The following ATP10B variants were observed in gnomAD, a reference collection of about 807,000 sequenced individuals.
The protein encoded by ATP10B is ATPase phospholipid transporting 10B (putative).
Under a neutral mutation model 141.2 loss-of-function variants are expected in ATP10B, and 122 were observed. That is an observed-to-expected ratio of 0.86 (90% confidence interval 0.75 to 1.00). The LOEUF (loss-of-function observed/expected upper bound fraction) is 1.00, where lower values mean the gene tolerates loss of function less well. Among genes scored for constraint, ATP10B ranks in the 50% least tolerant of loss-of-function variants. The pLI is 0.00. For missense variants in ATP10B, 1,876 were observed against 1,825.3 expected (o/e 1.03, Z -0.51); for synonymous variants, 685 against 692.0 (o/e 0.99, Z 0.16).
chr5:160,742,770 T>C (rs1409953066), intron 2 of ATP10B, among the ~76,000 whole-genome samples: 1 of 152,070 alleles, frequency 6.6e-6, no homozygotes, highest in Non-Finnish European at 1.5e-5. Flanking sequence ...GATTTGGGGA[T>C]TTTTTGGGAC....
chr5:160,900,039 T>A, the ATP10B span, among the ~76,000 whole-genome samples: 1 of 152,192 alleles, frequency 6.6e-6, no homozygotes, highest in Non-Finnish European at 1.5e-5. Context: ...GGTTGTTGTG[T>A]TATTTTTCCC....
At chr5:160,869,035 C>T in the ATP10B span, among the ~76,000 whole-genome samples, 1 of 152,094 alleles carries the variant, frequency 6.6e-6, no homozygotes, top group Non-Finnish European at 1.5e-5. Flanking sequence ...GGCTATTTGA[C>T]CTTTGAAAGC....
intron 2 of ATP10B, among the ~76,000 whole-genome samples, chr5:160,724,949 C>T (rs1766232516): frequency 6.6e-6 from 1 of 152,184 alleles, no homozygotes; most frequent in South Asian, 2.1e-4. Context: ...TTGCTTTCCA[C>T]TACTAGCATG....
chr5:160,861,414 GA>G, the ATP10B span, among the ~76,000 whole-genome samples: 1,530 of 151,884 alleles, frequency 0.01, 33 homozygotes, highest in African/African-American at 0.035. Context: ...AAATTCTGAA[GA>G]AAGTTTTAAA....
chr5:160,632,444 G>C (rs547099325), intron 12 of ATP10B, 77 bp from the exon 13 acceptor site: 6 of 1,391,912 alleles, frequency 4.3e-6, no homozygotes, highest in South Asian at 3.7e-5. Context: ...GACTTTGTGT[G>C]GGGGGTGGTA....
At chr5:160,803,333 T>C (rs1194937748) in intron 1 of ATP10B, among the ~76,000 whole-genome samples, 1 of 152,166 alleles carries the variant, frequency 6.6e-6, no homozygotes, top group Non-Finnish European at 1.5e-5. Flanking sequence ...CATTATTTGA[T>C]TTAAGCTTCA....
At chr5:160,597,684 C>T (rs1202539741) in intron 22 of ATP10B, among the ~76,000 whole-genome samples, 1 of 151,742 alleles carries the variant, frequency 6.6e-6, no homozygotes, top group East Asian at 1.9e-4. Context: ...ACAATGAACT[C>T]AAACAAATTT....
intron 2 of ATP10B, among the ~76,000 whole-genome samples, chr5:160,744,601 G>A (rs905919291): frequency 2.0e-4 from 30 of 152,112 alleles, no homozygotes; most frequent in African/African-American, 7.0e-4. Flanking sequence ...ACTAACAACT[G>A]GACAGGTTTT....
chr5:160,691,927 T>C (rs956371050), intron 3 of ATP10B: 8 of 152,178 alleles, frequency 5.3e-5, no homozygotes, highest in African/African-American at 1.7e-4. Context: ...TTTGCTATTA[T>C]AAAAAATGCA....
intron 6 of ATP10B, among the ~76,000 whole-genome samples, chr5:160,680,171 C>G (rs564403502): frequency 1.3e-5 from 2 of 151,486 alleles, no homozygotes; most frequent in African/African-American, 4.9e-5. Context: ...ATTCCAAGGG[C>G]TCTAGTATTC....
chr5:160,854,719 T>C (rs1343647478), upstream of ATP10B, among the ~76,000 whole-genome samples: 1 of 152,178 alleles, frequency 6.6e-6, no homozygotes, highest in Non-Finnish European at 1.5e-5. Flanking sequence ...TTTATGGTTC[T>C]AGATCCTTGA....
intron 12 of ATP10B, chr5:160,632,600 G>C (rs10052153): frequency 0.011 from 3,136 of 276,886 alleles, 93 homozygotes; most frequent in African/African-American, 0.064. Context: ...GACATAACCT[G>C]TCACTTTATT....
chr5:160,803,677 A>T (rs1456443294), intron 1 of ATP10B, among the ~76,000 whole-genome samples: 1 of 152,168 alleles, frequency 6.6e-6, no homozygotes, highest in Admixed American at 6.5e-5. Context: ...CTCCATCTCA[A>T]AAAAATAAAA....
intron 1 of ATP10B, among the ~76,000 whole-genome samples, chr5:160,826,475 T>C (rs1373151254): frequency 6.6e-6 from 1 of 152,214 alleles, no homozygotes; most frequent in African/African-American, 2.4e-5. Flanking sequence ...AGGATGTACG[T>C]CTCCTCCGGA....
intron 6 of ATP10B, chr5:160,685,105 C>A: frequency 1.4e-6 from 1 of 703,418 alleles, no homozygotes; most frequent in East Asian, 2.7e-5. Flanking sequence ...TTGATTCCCA[C>A]GATGATGTCT....
intron 7 of ATP10B, among the ~76,000 whole-genome samples, chr5:160,651,181 A>G (rs1760706187): frequency 6.6e-6 from 1 of 152,144 alleles, no homozygotes; most frequent in African/African-American, 2.4e-5. Flanking sequence ...TGAAAGGTAA[A>G]GAAGGCTCCC....
At chr5:160,616,572 ATGGAGTGCCCAGTAGC>A (rs1758013179) in intron 16 of ATP10B, among the ~76,000 whole-genome samples, 1 of 152,240 alleles carries the variant, frequency 6.6e-6, no homozygotes, top group Admixed American at 6.5e-5. Context: ...TGTCATACAC[ATGGAGTGCCCAGTAGC>A]TGGAATAATC....
intron 23 of ATP10B, 29 bp downstream of exon 23, chr5:160,591,030 T>C (rs1200602110): frequency 1.3e-6 from 2 of 1,552,286 alleles, no homozygotes; most frequent in Non-Finnish European, 1.8e-6. Flanking sequence ...CTGCAATTTA[T>C]GTGGTTAGAA....
chr5:160,834,958 A>T (rs1265695647), intron 1 of ATP10B, among the ~76,000 whole-genome samples: 1 of 152,076 alleles, frequency 6.6e-6, no homozygotes, highest in Non-Finnish European at 1.5e-5. Flanking sequence ...ATACCACCTT[A>T]GTCTTATGAG....
Sources: allele counts gnomAD v4.1 joint callset (sites outside exome capture counted in the v4.1 genomes callset), GRCh38; gene constraint gnomAD v4.1.1; transcripts MANE v1.5; gene names NCBI Gene and HGNC (gene_info 2026-07-23, HGNC 2026-07-21).